Variants in CASK observed in about 807,000 individuals in gnomAD.
CASK encodes the protein calcium/calmodulin dependent serine protein kinase.
In CASK, 4 loss-of-function variants were observed where a neutral mutation model predicts 82.9. The observed-to-expected ratio is 0.05, with a 90% CI of 0.02 to 0.11. The LOEUF is 0.11. CASK is among the 10% of genes least tolerant of loss of function. The probability of loss-of-function intolerance (pLI) is 1.00; values close to 1 mark genes in which losing one functional copy is unlikely to be tolerated. For synonymous variants in CASK, 259 were observed against 253.5 expected (o/e 1.02, Z -0.20); for missense variants, 358 against 720.9 (o/e 0.50, Z 5.76).
intron 1 of CASK, among the ~76,000 whole-genome samples, chrX:41,894,771 T>C (rs769203943): frequency 9.0e-6 from 1 of 111,337 alleles, no homozygotes; most frequent in South Asian, 3.8e-4. Flanking sequence ...GGGGCAGGGA[T>C]GCTGGTGCTT....
chrX:41,570,012 T>TTC (rs2065386982), intron 15 of CASK, among the ~76,000 whole-genome samples: 1 of 83,436 alleles, frequency 1.2e-5, no homozygotes, highest in East Asian at 3.7e-4. Flanking sequence ...TCTTTTTTCT[T>TTC]TTTTTTTTTT....
At chrX:41,889,010 T>C (rs758718028) in intron 1 of CASK, among the ~76,000 whole-genome samples, 6 of 110,102 alleles carry the variant, frequency 5.4e-5, no homozygotes, top group East Asian at 2.9e-4. Flanking sequence ...AGATACCTAG[T>C]AGTGGGACTG....
chrX:41,770,464 C>T (rs1158609151), intron 3 of CASK, among the ~76,000 whole-genome samples: 1 of 110,560 alleles, frequency 9.0e-6, no homozygotes. Flanking sequence ...GGCTGATTGG[C>T]TCACTCCACC....
intron 5 of CASK, among the ~76,000 whole-genome samples, chrX:41,673,829 G>GTTTTTTTTT (rs887137250): frequency 2.0e-5 from 1 of 51,044 alleles, no homozygotes; most frequent in Non-Finnish European, 3.6e-5. Flanking sequence ...AACTCTGGGT[G>GTTTTTTTTT]TTTTTTTTTT....
intron 5 of CASK, among the ~76,000 whole-genome samples, chrX:41,680,902 C>T (rs958097801): frequency 1.6e-4 from 18 of 109,732 alleles, no homozygotes; most frequent in African/African-American, 3.0e-4. Context: ...GCAACAAGAG[C>T]GAAACTCGGT....
At chrX:41,869,812 C>CAAAAAAAAAAAAAAAAAAAAAA (rs72190097) in intron 1 of CASK, among the ~76,000 whole-genome samples, 3 of 12,116 alleles carry the variant, frequency 2.5e-4, no homozygotes, top group Admixed American at 1.6e-3. Context: ...GACTCTGTCT[C>CAAAAAAAAAAAAAAAAAAAAAA]AAAAAAAAAA....
intron 15 of CASK, among the ~76,000 whole-genome samples, chrX:41,570,290 T>C (rs980550623): frequency 8.9e-6 from 1 of 111,770 alleles, no homozygotes; most frequent in East Asian, 2.8e-4. Flanking sequence ...AGTGCTGGCA[T>C]TACAGGTGTG....
At chrX:41,623,014 C>T (rs2066310818) in intron 10 of CASK, among the ~76,000 whole-genome samples, 1 of 109,332 alleles carries the variant, frequency 9.1e-6, no homozygotes, top group South Asian at 4.0e-4. Context: ...GGCTCCCTAC[C>T]CTCCTGGTAG....
At chrX:41,536,057 A>C (rs1321660841) in intron 22 of CASK, among the ~76,000 whole-genome samples, 3 of 111,736 alleles carry the variant, frequency 2.7e-5, no homozygotes, top group Non-Finnish European at 5.6e-5. Flanking sequence ...GAGGGGTTAA[A>C]ATAAATTCAG....
At chrX:41,641,906 C>T (rs749770700) in intron 8 of CASK, among the ~76,000 whole-genome samples, 6 of 96,538 alleles carry the variant, frequency 6.2e-5, no homozygotes, top group African/African-American at 1.2e-4. Flanking sequence ...TCCCCCGACC[C>T]GACGACAGGC....
At chrX:41,698,831 T>C (rs1324154134) in intron 5 of CASK, among the ~76,000 whole-genome samples, 1 of 111,855 alleles carries the variant, frequency 8.9e-6, no homozygotes, top group Non-Finnish European at 1.9e-5. Flanking sequence ...AGGTAGGCCA[T>C]TGGCTGAGAA....
At chrX:41,895,838 T>C (rs949686347) in intron 1 of CASK, among the ~76,000 whole-genome samples, 2 of 111,653 alleles carry the variant, frequency 1.8e-5, no homozygotes, top group Non-Finnish European at 3.8e-5. Flanking sequence ...TTGCAGCTTA[T>C]GGGCACATTT....
intron 15 of CASK, among the ~76,000 whole-genome samples, chrX:41,573,635 T>C (rs1224757538): frequency 1.8e-5 from 2 of 112,149 alleles, no homozygotes; most frequent in Non-Finnish European, 3.8e-5. Context: ...AATTCTATTA[T>C]CTGTCAGTTC....
At chrX:41,859,342 G>A (rs765645221) in intron 1 of CASK, among the ~76,000 whole-genome samples, 2 of 111,791 alleles carry the variant, frequency 1.8e-5, no homozygotes, top group Non-Finnish European at 3.8e-5. Flanking sequence ...ATTGCAGAGT[G>A]CATGTCTGTA....
intron 21 of CASK, among the ~76,000 whole-genome samples, chrX:41,548,547 A>T (rs1287056460): frequency 8.9e-6 from 1 of 111,886 alleles, no homozygotes; most frequent in Non-Finnish European, 1.9e-5. Context: ...TGGGGGAAAG[A>T]CATTTATTGG....
intron 3 of CASK, among the ~76,000 whole-genome samples, chrX:41,760,986 G>GT (rs2068989822): frequency 9.0e-6 from 1 of 111,253 alleles, no homozygotes; most frequent in African/African-American, 3.3e-5. Context: ...GCTATCCTGT[G>GT]TAAGTTCTTG....
intron 1 of CASK, among the ~76,000 whole-genome samples, chrX:41,869,384 T>C (rs928490143): frequency 2.7e-5 from 3 of 111,959 alleles, no homozygotes; most frequent in African/African-American, 9.8e-5. Context: ...TTTTAAATCT[T>C]AAAGTTGGAT....
chrX:41,674,473 G>C (rs1219847287), intron 5 of CASK, among the ~76,000 whole-genome samples: 2 of 111,892 alleles, frequency 1.8e-5, no homozygotes, highest in Admixed American at 1.9e-4. Flanking sequence ...GCTACCCAAT[G>C]TCATGACGGG....
intron 2 of CASK, among the ~76,000 whole-genome samples, chrX:41,829,270 T>C (rs1013701191): frequency 9.0e-6 from 1 of 111,091 alleles, no homozygotes; most frequent in Non-Finnish European, 1.9e-5. Flanking sequence ...GCTCCCATCA[T>C]GTCCCCTCCC....
Sources: allele counts gnomAD v4.1 joint callset (sites outside exome capture counted in the v4.1 genomes callset), GRCh38; gene constraint gnomAD v4.1.1; transcripts MANE v1.5; gene names NCBI Gene and HGNC (gene_info 2026-07-23, HGNC 2026-07-21).